Variants in TTC3 observed in about 807,000 individuals in gnomAD.
TTC3 encodes E3 ubiquitin-protein ligase TTC3.
TTC3 carries 180 observed loss-of-function variants against 249.6 expected under a neutral mutation model. The observed-to-expected ratio is 0.72, with a 90% CI of 0.64 to 0.82. The LOEUF is 0.82. Ranked by LOEUF, TTC3 falls within the 40% of genes least tolerant of loss-of-function variation. The pLI is 0.00. For missense variants in TTC3, 2,061 were observed against 2,398.4 expected (o/e 0.86, Z 2.94); for synonymous variants, 717 against 805.0 (o/e 0.89, Z 1.85).
At chr21:37,118,351 T>G (rs2076325436) in intron 11 of TTC3, among the ~76,000 whole-genome samples, 1 of 152,188 alleles carries the variant, frequency 6.6e-6, no homozygotes, top group Non-Finnish European at 1.5e-5. Context: ...TGGGGAAGAT[T>G]AGTACAGTGC....
intron 10 of TTC3, among the ~76,000 whole-genome samples, chr21:37,100,255 G>T (rs927882267): frequency 2.6e-5 from 4 of 152,122 alleles, no homozygotes; most frequent in African/African-American, 7.2e-5. Flanking sequence ...TGGTACATGG[G>T]TGTTCATTTT....
intron 35 of TTC3, among the ~76,000 whole-genome samples, chr21:37,177,682 T>G (rs974901830): frequency 3.3e-5 from 5 of 152,196 alleles, no homozygotes; most frequent in Non-Finnish European, 5.9e-5. Flanking sequence ...GACTCCCTCC[T>G]GCTTCTCCTT....
intron 10 of TTC3, 189 bp from the exon 11 acceptor site, chr21:37,108,203 C>G: frequency 2.0e-6 from 1 of 490,726 alleles, no homozygotes; most frequent in Non-Finnish European, 3.6e-6. Flanking sequence ...GTGACTTTTT[C>G]CCTTTGTTTT....
At chr21:37,074,521 A>G (rs574590603) in intron 1 of TTC3, among the ~76,000 whole-genome samples, 17 of 152,272 alleles carry the variant, frequency 1.1e-4, no homozygotes, top group African/African-American at 3.9e-4. Flanking sequence ...TGGTTTATAG[A>G]GTATTTTATG....
chr21:37,148,769 A>G, intron 23 of TTC3, 122 bp downstream of exon 23: 1 of 626,360 alleles, frequency 1.6e-6, no homozygotes, highest in Non-Finnish European at 2.6e-6. Flanking sequence ...TAACTTTAAT[A>G]ATAAAGTGGA....
chr21:37,124,668 A>C (rs144515918), exon 14 of TTC3: 4 of 1,613,560 alleles, frequency 2.5e-6, no homozygotes, highest in South Asian at 1.1e-5. Context: ...TACTTCACTT[A>C]ACTTTGTGGA....
At chr21:37,134,318 G>GCA (rs1206234741) in intron 17 of TTC3, among the ~76,000 whole-genome samples, 23 of 152,172 alleles carry the variant, frequency 1.5e-4, no homozygotes, top group Non-Finnish European at 3.2e-4. Flanking sequence ...GGGTGTGGTG[G>GCA]CGTGCACCTG....
At chr21:37,132,607 C>T in intron 16 of TTC3, 75 bp from the exon 17 acceptor site, 1 of 1,173,968 alleles carries the variant, frequency 8.5e-7, no homozygotes, top group Admixed American at 2.4e-5. Context: ...GCCACTGTGC[C>T]TGGCCCTATT....
chr21:37,082,314 G>C (rs1308965075), intron 1 of TTC3: 1 of 167,628 alleles, frequency 6.0e-6, no homozygotes, highest in Non-Finnish European at 1.2e-5. Flanking sequence ...CCTTGAGGAG[G>C]GGGATGTCTA....
chr21:37,193,208 C>T (rs1278050685), intron 41 of TTC3, among the ~76,000 whole-genome samples: 1 of 134,728 alleles, frequency 7.4e-6, no homozygotes. Flanking sequence ...CCCCGCTCTG[C>T]ATCCTGCCTT....
chr21:37,108,550 C>T (rs550629950), intron 11 of TTC3, 104 bp downstream of exon 11: 63 of 1,097,410 alleles, frequency 5.7e-5, no homozygotes, highest in South Asian at 4.1e-4. Context: ...TATGAAATTA[C>T]GTAGAGCTCC....
chr21:37,188,888 G>C (rs891971019), intron 39 of TTC3, among the ~76,000 whole-genome samples: 1 of 152,022 alleles, frequency 6.6e-6, no homozygotes, highest in Admixed American at 6.6e-5. Context: ...TTTTCATATT[G>C]GTAATTACAT....
chr21:37,140,008 A>C (rs1031124257), intron 19 of TTC3, among the ~76,000 whole-genome samples: 29 of 152,178 alleles, frequency 1.9e-4, no homozygotes, highest in Admixed American at 1.5e-3. Flanking sequence ...GTTTTCCAAA[A>C]ACAAAATTCA....
intron 13 of TTC3, among the ~76,000 whole-genome samples, chr21:37,123,362 G>T (rs147208593): frequency 1.3e-5 from 2 of 152,294 alleles, no homozygotes; most frequent in East Asian, 3.9e-4. Flanking sequence ...GACATAGCCT[G>T]TGCCCTGTGC....
intron 2 of TTC3, 145 bp downstream of exon 2, chr21:37,087,546 A>G: frequency 9.2e-7 from 1 of 1,084,866 alleles, no homozygotes; most frequent in Non-Finnish European, 1.3e-6. Flanking sequence ...TTGAGAAGGG[A>G]AAGTAAGCAC....
At chr21:37,182,697 A>G in intron 35 of TTC3, 77 bp from the exon 36 acceptor site, 1 of 1,388,490 alleles carries the variant, frequency 7.2e-7, no homozygotes, top group African/African-American at 1.5e-5. Context: ...TGGCACCGTC[A>G]CAATTCTAGC....
chr21:37,201,116 C>T (rs909499134), intron 45 of TTC3, among the ~76,000 whole-genome samples: 3 of 152,258 alleles, frequency 2.0e-5, no homozygotes, highest in African/African-American at 4.8e-5. Flanking sequence ...GTCATAGGGC[C>T]GAGAATGCCA....
chr21:37,174,814 G>A (rs1029928727), intron 35 of TTC3, among the ~76,000 whole-genome samples: 1 of 152,148 alleles, frequency 6.6e-6, no homozygotes, highest in Non-Finnish European at 1.5e-5. Flanking sequence ...CTACTTCACA[G>A]CTTTGTGAGG....
At chr21:37,176,887 CAACT>C (rs1459124516) in intron 35 of TTC3, among the ~76,000 whole-genome samples, 1 of 152,156 alleles carries the variant, frequency 6.6e-6, no homozygotes, top group South Asian at 2.1e-4. Flanking sequence ...CGGCCTAGTT[CAACT>C]AACTGTTAGG....
Sources: gnomAD v4.1 joint callset for allele counts (sites outside exome capture counted in the v4.1 genomes callset) on GRCh38, gnomAD v4.1.1 for gene constraint, MANE v1.5 for transcripts, NCBI Gene and HGNC (gene_info 2026-07-23, HGNC 2026-07-21) for gene names.